PYGB: variants seen among roughly 807,000 people sequenced by gnomAD.
PYGB encodes the protein glycogen phosphorylase, brain form.
In PYGB, 82 loss-of-function variants were observed where a neutral mutation model predicts 94.3. The observed-to-expected ratio is 0.87, with a 90% CI of 0.73 to 1.04. The LOEUF is 1.04. Among genes scored for constraint, PYGB ranks in the 50% least tolerant of loss-of-function variants. The pLI is 0.00. For missense variants in PYGB, 1,132 were observed against 1,158.2 expected, an observed-to-expected ratio of 0.98 and a Z score of 0.33; for synonymous variants, 488 against 479.1, an observed-to-expected ratio of 1.02 and a Z score of -0.24.
chr20:25,282,210 A>C, intron 12 of PYGB, 63 bp downstream of exon 12: 5 of 1,365,172 alleles, frequency 3.7e-6, no homozygotes, highest in Non-Finnish European at 5.1e-6. Flanking sequence ...GGGCCATGTC[A>C]TCAGCCCCTG....
intron 14 of PYGB, chr20:25,284,924 A>G (rs530104856): frequency 1.3e-5 from 2 of 152,238 alleles, no homozygotes; most frequent in African/African-American, 4.8e-5. Context: ...GTCAATGTGA[A>G]TATTTGCTAG....
chr20:25,287,666 A>G (rs1725955549), intron 14 of PYGB, among the ~76,000 whole-genome samples: 1 of 150,718 alleles, frequency 6.6e-6, no homozygotes, highest in African/African-American at 2.4e-5. Context: ...ACAAAAACAA[A>G]CAACAACAAA....
chr20:25,287,739 G>T (rs1283453530), intron 14 of PYGB, among the ~76,000 whole-genome samples: 3 of 152,104 alleles, frequency 2.0e-5, no homozygotes, highest in Non-Finnish European at 2.9e-5. Context: ...CTGCACTTTG[G>T]GAGGCTGAGG....
At position 25,276,712 on chromosome 20, in the gene PYGB, C is replaced by A; in HGVS notation, c.727C>A (p.Arg243=). 6.2e-7 allele frequency: 1 copy of A among 1,613,998 alleles called. No individual in the cohort carries two copies. Among genetic ancestry groups the A allele is most frequent in the Non-Finnish European group, 8.5e-7 (1 of 1,179,908 alleles). The change falls in exon 6 of 20, where the codon CGG becomes AGG. Residue 243 remains arginine (R), a synonymous_variant. Coordinates refer to ENST00000216962, the MANE Select transcript of PYGB (RefSeq NM_002862.4). ...GYKNNTVNTM[R]LWSAKAPNDF... ...CAAGAACAACACCGTCAACACCATG[C>A]GGCTGTGGTCCGCCAAGGCTCCCAA...
intron 15 of PYGB, among the ~76,000 whole-genome samples, chr20:25,289,302 T>G (rs1424065395): frequency 1.3e-5 from 2 of 152,250 alleles, no homozygotes; most frequent in Admixed American, 1.3e-4. Context: ...AGTATTTCAG[T>G]ATGTAAAGTC....
At position 25,290,540 on chromosome 20, in the gene PYGB, C is replaced by T. The variant is rs199853551; in HGVS notation, c.1887C>T (p.Asp629=). The T allele has an allele frequency of 1.9e-5, 30 of 1,611,622 alleles. No homozygotes were observed. Among genetic ancestry groups the T allele is most frequent in the East Asian group, 2.2e-5 (1 of 44,778 alleles). ...LIIKLVTSIG[D]VVNHDPVVGD... is the part of the protein sequence containing the mutation. The stretch of plus-strand genomic sequence containing the variant: ...TCAAGTTGGTCACCTCCATCGGCGA[C>T]GTCGTCAATCATGACCCAGTTGTGG... Residue 629 remains aspartate, a synonymous_variant, in exon 16 of 20, where the codon GAC becomes GAT. Transcript: ENST00000216962.
intron 2 of PYGB, among the ~76,000 whole-genome samples, chr20:25,263,121 A>G (rs142893484): frequency 0.021 from 3,204 of 152,324 alleles, 104 homozygotes; most frequent in African/African-American, 0.072. Flanking sequence ...CGGACCTAAT[A>G]GATATCTACA....
intron 4 of PYGB, among the ~76,000 whole-genome samples, chr20:25,274,089 T>C (rs1220999790): frequency 1.3e-5 from 2 of 152,150 alleles, no homozygotes; most frequent in Non-Finnish European, 2.9e-5. Context: ...GATTTCAGTA[T>C]ATTCAGAGTT....
At chr20:25,289,655 GAAA>G (rs376975502) in intron 15 of PYGB, among the ~76,000 whole-genome samples, 1 of 145,738 alleles carries the variant, frequency 6.9e-6, no homozygotes, top group African/African-American at 2.5e-5. Context: ...GCAAAAAAAA[GAAA>G]AAAAAAAGAA....
chr20:25,250,139 G>C (rs1259797821), intron 1 of PYGB, among the ~76,000 whole-genome samples: 1 of 152,178 alleles, frequency 6.6e-6, no homozygotes, highest in African/African-American at 2.4e-5. Context: ...GTGAGCCAAC[G>C]CACCCGACCC....
At chr20:25,271,576 A>C in intron 4 of PYGB, 90 bp downstream of exon 4, 1 of 1,400,594 alleles carries the variant, frequency 7.1e-7, no homozygotes, top group Non-Finnish European at 1.0e-6. Context: ...TATACTTCCC[A>C]CGCCCCCGCC....
chr20:25,276,692 ACAACACCGT>A lies in PYGB; in HGVS notation c.715_723del (p.Val239_Thr241del). On this transcript the variant is annotated inframe_deletion, in exon 6 of 20. Coordinates refer to ENST00000216962, the MANE Select transcript of PYGB (RefSeq NM_002862.4). ...GACACCCCAGTGCCCGGCTACAAGA[ACAACACCGT>A]CAACACCATGCGGCTGTGGTCCGCC... is the stretch of plus-strand genomic sequence containing the variant. The A allele has an allele frequency of 6.2e-7, 1 of 1,613,956 alleles. No individual in the cohort carries two copies. The highest frequency in any genetic ancestry group is 2.2e-5 in the East Asian group (1 of 44,870).
At chr20:25,281,150 C>CT in intron 11 of PYGB, 38 bp downstream of exon 11, 1 of 1,609,106 alleles carries the variant, frequency 6.2e-7, no homozygotes, top group Non-Finnish European at 8.5e-7. Flanking sequence ...CCAGCTCTGT[C>CT]TGACACCCAG....
chr20:25,250,230 T>A (rs1181481557), intron 1 of PYGB, among the ~76,000 whole-genome samples: 1 of 151,730 alleles, frequency 6.6e-6, no homozygotes, highest in East Asian at 1.9e-4. Context: ...TCCTTGGAGC[T>A]GGACCAGGAC....
intron 15 of PYGB, 81 bp from the exon 16 acceptor site, chr20:25,290,400 A>G: frequency 6.5e-7 from 1 of 1,537,378 alleles, no homozygotes; most frequent in Non-Finnish European, 8.9e-7. Flanking sequence ...TCACCCCCCT[A>G]CAGACCCCAG....
chr20:25,277,386 G>A (rs1387955004), intron 7 of PYGB, 60 bp downstream of exon 7: 1 of 1,490,126 alleles, frequency 6.7e-7, no homozygotes, highest in African/African-American at 1.4e-5. Flanking sequence ...ATAGAGAGGT[G>A]GGCTGGCTGG....
chr20:25,257,968 TGTGA>T, intron 1 of PYGB, among the ~76,000 whole-genome samples: 1 of 152,328 alleles, frequency 6.6e-6, no homozygotes, highest in South Asian at 2.1e-4. Context: ...GAGGCCTGAC[TGTGA>T]GTGACAGCAG....
chr20:25,269,208 G>T lies in PYGB; in HGVS notation c.424+1G>T. ...AATGGAGGCCTGGGGAGGCTGGCAG[G>T]TAAGTTGCCCCATCCAGGAGGAGCT... On this transcript the variant is annotated splice_donor_variant, in intron 3 of 19. Coordinates refer to ENST00000216962, the MANE Select transcript of PYGB (RefSeq NM_002862.4). LOFTEE classifies it high-confidence loss of function. The T allele has an allele frequency of 7.6e-6, 12 of 1,575,942 alleles. No individual in the cohort carries two copies. Among genetic ancestry groups the T allele is most frequent in the Non-Finnish European group, 1.0e-5 (12 of 1,146,090 alleles).
rs115209993 is a variant in PYGB, at chr20:25,279,001, C to T, written c.1000-56C>T. On this transcript the variant is annotated intron_variant, in intron 8 of 19. Transcript: ENST00000216962. ...TTGGGGAGCTTCGTATGCCAACAAC[C>T]GTGGGTGCCCACGTGGGATGAAATG... 4,678 of 1,531,428 alleles carry T rather than the reference C, an allele frequency of 3.1e-3. 77 individuals carry two copies. The African/African-American group carries it at 0.043, about 14-fold the overall frequency. 94.9% of individuals were successfully genotyped at this position (1,531,428 alleles called of 1,614,324 possible). A position where few individuals can be genotyped will look rare whatever the true frequency, so the allele number is the denominator to read the frequency against.
Sources: allele counts gnomAD v4.1 joint callset (sites outside exome capture counted in the v4.1 genomes callset), GRCh38; gene constraint gnomAD v4.1.1; transcripts MANE v1.5; gene names NCBI Gene and HGNC (gene_info 2026-07-23, HGNC 2026-07-21).